The following COL8A1 variants were observed in gnomAD, a reference collection of about 807,000 sequenced individuals.
COL8A1 encodes collagen alpha-1(VIII) chain.
A neutral mutation model predicts 42.7 loss-of-function variants in COL8A1; 21 were observed. The ratio of observed to expected loss-of-function variants is 0.49; its 90% CI spans 0.35 to 0.71. The LOEUF (loss-of-function observed/expected upper bound fraction) is 0.71, where lower values mean the gene tolerates loss of function less well. Among genes scored for constraint, COL8A1 ranks in the 30% least tolerant of loss-of-function variants. The pLI is 0.01. For synonymous variants in COL8A1, 367 were observed against 369.1 expected, an observed-to-expected ratio of 0.99 and a Z score of 0.06; for missense variants, 788 against 962.4, an observed-to-expected ratio of 0.82 and a Z score of 2.40.
chr3:99,741,364 A>T (rs1320225396), intron 1 of COL8A1, among the ~76,000 whole-genome samples: 1 of 152,218 alleles, frequency 6.6e-6, no homozygotes, highest in Non-Finnish European at 1.5e-5. Context: ...CCCAGAGTGT[A>T]TTCCACATTC....
intron 1 of COL8A1, among the ~76,000 whole-genome samples, chr3:99,666,386 T>C (rs966367380): frequency 1.8e-4 from 27 of 152,212 alleles, no homozygotes; most frequent in African/African-American, 6.5e-4. Context: ...GCCATCAGAA[T>C]ACTGAAGCAG....
chr3:99,680,613 C>CTG (rs1938844540), intron 1 of COL8A1, among the ~76,000 whole-genome samples: 5 of 152,286 alleles, frequency 3.3e-5, no homozygotes, highest in African/African-American at 4.8e-5. Context: ...GTCCCACCAA[C>CTG]AGTGTAAAAG....
chr3:99,696,691 C>T (rs1006827900), intron 1 of COL8A1, among the ~76,000 whole-genome samples: 5 of 152,158 alleles, frequency 3.3e-5, no homozygotes, highest in Admixed American at 3.3e-4. Context: ...TCATCAGTCC[C>T]CGGGGTTACG....
intron 2 of COL8A1, among the ~76,000 whole-genome samples, chr3:99,747,595 T>G (rs1559626078): frequency 6.6e-6 from 1 of 152,246 alleles, no homozygotes; most frequent in Non-Finnish European, 1.5e-5. Context: ...CACAGTTCAT[T>G]TTAAAAGTTG....
intron 2 of COL8A1, among the ~76,000 whole-genome samples, chr3:99,787,733 A>G (rs1049150485): frequency 1.3e-5 from 2 of 152,190 alleles, no homozygotes; most frequent in Non-Finnish European, 2.9e-5. Context: ...AACTTAAATA[A>G]AAGTCTTTTG....
chr3:99,795,371 T>C lies in COL8A1; in HGVS notation c.1470T>C (p.Asp490=). The C allele has an allele frequency of 6.3e-7, 1 of 1,577,788 alleles. No individual in the cohort carries two copies. Among genetic ancestry groups the C allele is most frequent in the Non-Finnish European group, 8.6e-7 (1 of 1,161,258 alleles). ...GPKGEPGIPG[D]QGLQGPPGIP... is the part of the protein sequence containing the mutation. ...AGGGAGAGCCAGGAATCCCAGGGGATCAGGGTTTACAGGGCCCCCCAGGTA... is the reference window on the plus strand; with the variant it reads ...AGGGAGAGCCAGGAATCCCAGGGGACCAGGGTTTACAGGGCCCCCCAGGTA... Residue 490 remains aspartate, a synonymous_variant, in exon 4 of 4, where the codon GAT becomes GAC. Coordinates refer to ENST00000652472, the MANE Select transcript of COL8A1 (RefSeq NM_020351.4).
chr3:99,785,165 A>G (rs1420443090), intron 2 of COL8A1, among the ~76,000 whole-genome samples: 2 of 152,222 alleles, frequency 1.3e-5, no homozygotes, highest in Admixed American at 1.3e-4. Context: ...ATTGTACAAA[A>G]TACTGAGCTG....
chr3:99,642,499 G>A (rs921658837), intron 1 of COL8A1, among the ~76,000 whole-genome samples: 1 of 152,180 alleles, frequency 6.6e-6, no homozygotes, highest in Non-Finnish European at 1.5e-5. Flanking sequence ...TAGGATAAGA[G>A]CAAAAGCAAC....
intron 1 of COL8A1, among the ~76,000 whole-genome samples, chr3:99,649,568 C>T (rs1260186992): frequency 2.6e-5 from 4 of 151,942 alleles, no homozygotes; most frequent in Non-Finnish European, 5.9e-5. Context: ...TGAAATATTC[C>T]TTGATGAAAA....
At chr3:99,641,634 G>A (rs1290791766) in intron 1 of COL8A1, among the ~76,000 whole-genome samples, 2 of 152,170 alleles carry the variant, frequency 1.3e-5, no homozygotes, top group East Asian at 1.9e-4. Context: ...GTTAGAAACA[G>A]CAATTTACTC....
chr3:99,715,168 G>T (rs1158536540), intron 1 of COL8A1, among the ~76,000 whole-genome samples: 1 of 152,062 alleles, frequency 6.6e-6, no homozygotes, highest in African/African-American at 2.4e-5. Context: ...GAGGTGACAT[G>T]ATCTGATGTA....
chr3:99,769,125 C>T (rs1276492449), intron 2 of COL8A1, among the ~76,000 whole-genome samples: 3 of 152,192 alleles, frequency 2.0e-5, no homozygotes, highest in Admixed American at 2.0e-4. Flanking sequence ...GTGCAAATAA[C>T]TCAATATTCT....
At chr3:99,664,459 G>T (rs1289982213) in intron 1 of COL8A1, among the ~76,000 whole-genome samples, 1 of 151,200 alleles carries the variant, frequency 6.6e-6, no homozygotes, top group East Asian at 1.9e-4. Flanking sequence ...AACTGCACAT[G>T]TACCCTAAAA....
At chr3:99,776,031 T>C (rs1043401800) in intron 2 of COL8A1, among the ~76,000 whole-genome samples, 2 of 152,146 alleles carry the variant, frequency 1.3e-5, no homozygotes, top group African/African-American at 4.8e-5. Flanking sequence ...GAGGAGGTAT[T>C]TTGAGTTTTA....
chr3:99,657,130 G>A (rs891918014), intron 1 of COL8A1, among the ~76,000 whole-genome samples: 2 of 152,174 alleles, frequency 1.3e-5, no homozygotes, highest in Non-Finnish European at 2.9e-5. Context: ...CCTTTTATGG[G>A]AGGAAAAGAT....
In COL8A1 at chr3:99,660,579, C is replaced by T. The variant is rs114986034; in HGVS notation, c.-129+21915C>T. On this transcript the variant is annotated intron_variant, in intron 1 of 3. Coordinates refer to ENST00000652472, the MANE Select transcript of COL8A1 (RefSeq NM_020351.4). Reference sequence around the variant, plus strand: ...GGGCTGAGACTGAATCCTTGGCTTACACTTAATTGTTCTGGCATATGGGCT... The same window carrying T: ...GGGCTGAGACTGAATCCTTGGCTTATACTTAATTGTTCTGGCATATGGGCT... Among the ~76,000 whole-genome samples, 839 of 152,262 alleles carry T rather than the reference C, an allele frequency of 5.5e-3. 10 individuals carry two copies. Among genetic ancestry groups the T allele is most frequent in the African/African-American group, 0.019 (795 of 41,552 alleles).
intron 1 of COL8A1, among the ~76,000 whole-genome samples, chr3:99,647,464 A>C (rs896369973): frequency 3.3e-5 from 5 of 151,616 alleles, no homozygotes. Context: ...AATGCCAGAA[A>C]TATTATTCAA....
chr3:99,658,876 C>T (rs1938113483), intron 1 of COL8A1, among the ~76,000 whole-genome samples: 2 of 152,212 alleles, frequency 1.3e-5, no homozygotes, highest in Admixed American at 6.5e-5. Flanking sequence ...CTCTCATTCT[C>T]ATTGTGGGCA....
At chr3:99,660,746 T>A (rs916221488) in intron 1 of COL8A1, among the ~76,000 whole-genome samples, 1 of 152,170 alleles carries the variant, frequency 6.6e-6, no homozygotes, top group African/African-American at 2.4e-5. Flanking sequence ...AAGTAAGAGC[T>A]TTTTACCCTA....
Sources: gnomAD v4.1 joint callset for allele counts (sites outside exome capture counted in the v4.1 genomes callset) on GRCh38, gnomAD v4.1.1 for gene constraint, MANE v1.5 for transcripts, NCBI Gene and HGNC (gene_info 2026-07-23, HGNC 2026-07-21) for gene names.